Variants in FZD3 observed in about 807,000 individuals in gnomAD.
FZD3 encodes the protein frizzled-3.
Under a neutral mutation model 60.7 loss-of-function variants are expected in FZD3, and 30 were observed. That is an observed-to-expected ratio of 0.49 (90% CI 0.37 to 0.67). FZD3 has a LOEUF of 0.67. FZD3 is among the 30% of genes least tolerant of loss of function. The pLI, the probability that FZD3 is intolerant of heterozygous loss-of-function variation, is 0.00. For missense variants in FZD3, 605 were observed against 838.7 expected, an observed-to-expected ratio of 0.72 and a Z score of 3.44; for synonymous variants, 246 against 275.2, an observed-to-expected ratio of 0.89 and a Z score of 1.05.
rs35377693 is a variant in FZD3, at chr8:28,554,551, A to AT, written c.1554-1181dup. On this transcript the variant is annotated intron_variant, in intron 6 of 7. Coordinates refer to ENST00000240093, the MANE Select transcript of FZD3 (RefSeq NM_017412.4). ...CCTTGACTGTTGGTTTCGTTGTGTG[A>AT]TTTTTTGAAAGTTCTTTAATTTCTT... Among the ~76,000 whole-genome samples the AT allele has an allele frequency of 4.7e-3, 716 of 152,062 alleles. 25 individuals carry two copies. In the East Asian group the frequency reaches 0.091, roughly 19 times the overall value.
At position 28,569,751 on chromosome 8, in the gene FZD3, ATGGGAAAGTCTTCT is replaced by A. The variant is rs1321886412; in HGVS notation, c.*6742_*6755del. Reference sequence around the variant, plus strand: ...TAAATATTGGACATGGCTTTTTTAAATGGGAAAGTCTTCTTAAGCACCAATATAAGCACCTTAAA... The same window carrying A: ...TAAATATTGGACATGGCTTTTTTAAATAAGCACCAATATAAGCACCTTAAA... On this transcript the variant is annotated 3_prime_UTR_variant, in exon 8 of 8. Coordinates refer to ENST00000240093, the MANE Select transcript of FZD3 (RefSeq NM_017412.4). 6.6e-6 allele frequency: 1 copy of A among 152,172 alleles called. No homozygotes were observed. Among genetic ancestry groups the A allele is most frequent in the Non-Finnish European group, 1.5e-5 (1 of 68,022 alleles). 9.4% of individuals were successfully genotyped at this position (152,172 alleles called of 1,614,324 possible).
intron 3 of FZD3, among the ~76,000 whole-genome samples, chr8:28,519,546 A>G (rs761834575): frequency 7.2e-5 from 11 of 152,044 alleles, no homozygotes; most frequent in African/African-American, 1.9e-4. Context: ...CCTAGGCAAC[A>G]TGGCGAGACC....
At chr8:28,530,301 A>G (rs1804835029) in intron 5 of FZD3, 1 of 151,978 alleles carries the variant, frequency 6.6e-6, no homozygotes, top group Non-Finnish European at 1.5e-5. Context: ...CCTTGGATGA[A>G]CTTCACCTCC....
chr8:28,551,842 A>G, intron 6 of FZD3, 91 bp downstream of exon 6: 1 of 995,460 alleles, frequency 1.0e-6, no homozygotes, highest in Non-Finnish European at 1.5e-6. Context: ...TTGGATTTGG[A>G]GAATTATTCA....
chr8:28,532,355 G>C (rs1804899894), intron 5 of FZD3, among the ~76,000 whole-genome samples: 1 of 152,220 alleles, frequency 6.6e-6, no homozygotes, highest in Non-Finnish European at 1.5e-5. Flanking sequence ...TTGCAATACT[G>C]AGTTTTAATA....
At chr8:28,552,276 C>A (rs1335773181) in intron 6 of FZD3, among the ~76,000 whole-genome samples, 2 of 152,122 alleles carry the variant, frequency 1.3e-5, no homozygotes, top group Non-Finnish European at 2.9e-5. Flanking sequence ...TTATTCCATT[C>A]TAATATAGTA....
intron 7 of FZD3, among the ~76,000 whole-genome samples, chr8:28,557,065 C>T (rs919772145): frequency 1.4e-4 from 21 of 152,000 alleles, no homozygotes; most frequent in Middle Eastern, 3.4e-3. Context: ...ATTATATAGC[C>T]GGGTGTTGTG....
rs1237523688 is a variant in FZD3 at position 28,517,812 on chromosome 8, G to T, written c.190-2826G>T. 2.0e-5 allele frequency among the ~76,000 whole-genome samples: 3 copies of T among 151,940 alleles called. No homozygotes were observed. In the East Asian group the frequency reaches 5.8e-4, roughly 29 times the overall value. On this transcript the variant is annotated intron_variant, in intron 3 of 7. Coordinates refer to ENST00000240093, the MANE Select transcript of FZD3 (RefSeq NM_017412.4). ...TCTTTTATTGAAGATATTAGTCATT[G>T]TTATATACAGTCTTGTCTGTTAACT...
intron 3 of FZD3, among the ~76,000 whole-genome samples, chr8:28,517,856 CA>C (rs1804473019): frequency 1.3e-5 from 2 of 151,990 alleles, no homozygotes; most frequent in Admixed American, 6.6e-5. Flanking sequence ...TGGATCACCA[CA>C]TTTTTTTATT....
At chr8:28,558,385 A>G (rs780535921) in intron 7 of FZD3, among the ~76,000 whole-genome samples, 8 of 151,792 alleles carry the variant, frequency 5.3e-5, no homozygotes, top group Non-Finnish European at 1.0e-4. Context: ...ACCCAGCTTT[A>G]TTTGACGTTA....
chr8:28,555,953 A>T lies in FZD3; in HGVS notation c.1769A>T (p.His590Leu). ...GTGAGCAGCTACCACGGCAGCCTCCACAGATCACGTGATGGCAGGTGAGTT... is the reference window on the plus strand; with the variant it reads ...GTGAGCAGCTACCACGGCAGCCTCCTCAGATCACGTGATGGCAGGTGAGTT... Reference protein sequence around the residue: ...SKVSSYHGSLHRSRDGRYTPC... With the variant: ...SKVSSYHGSLLRSRDGRYTPC... The change falls in exon 7 of 8, where the codon CAC becomes CTC. Residue 590 changes from histidine (H) to leucine (L), a missense_variant. Transcript: ENST00000240093. The T allele has an allele frequency of 6.2e-7, 1 of 1,610,596 alleles. No homozygotes were observed. Among genetic ancestry groups the T allele is most frequent in the African/African-American group, 1.3e-5 (1 of 74,982 alleles).
rs1470406046 is a variant in FZD3, at chr8:28,572,626, T to C, written c.*9615T>C. 2 of 152,174 alleles carry C rather than the reference T, an allele frequency of 1.3e-5. No homozygotes were observed. The highest frequency in any genetic ancestry group is 2.9e-5 in the Non-Finnish European group (2 of 68,004). The allele number at this position is 152,174 out of a possible 1,614,324, so 9.4% of individuals were successfully genotyped here. On this transcript the variant is annotated 3_prime_UTR_variant, in exon 8 of 8. Coordinates refer to ENST00000240093, the MANE Select transcript of FZD3 (RefSeq NM_017412.4). ...CAAACCTAATATAAAAGGGTTCATC[T>C]GTAAGTATCATTTAGAGGCAAAATA...
intron 2 of FZD3, among the ~76,000 whole-genome samples, chr8:28,501,003 G>C (rs900530033): frequency 6.6e-6 from 1 of 152,034 alleles, no homozygotes; most frequent in Admixed American, 6.6e-5. Context: ...CTCGTGATCC[G>C]CCTGCCTCGG....
At chr8:28,496,446 T>G (rs1463340815) in intron 1 of FZD3, among the ~76,000 whole-genome samples, 2 of 151,858 alleles carry the variant, frequency 1.3e-5, no homozygotes, top group African/African-American at 2.4e-5. Flanking sequence ...TTCTTTTTGG[T>G]TTTTTTTGTT....
At chr8:28,540,168 T>G (rs1248054124) in intron 5 of FZD3, among the ~76,000 whole-genome samples, 2 of 152,106 alleles carry the variant, frequency 1.3e-5, no homozygotes, top group Admixed American at 1.3e-4. Context: ...TTACAGCAAG[T>G]AGATGCTGAT....
At chr8:28,535,316 G>A (rs1366008869) in intron 5 of FZD3, among the ~76,000 whole-genome samples, 1 of 152,078 alleles carries the variant, frequency 6.6e-6, no homozygotes, top group African/African-American at 2.4e-5. Context: ...GTTCCCATAT[G>A]CCTTGTACCA....
At chr8:28,543,744 A>G (rs1231452430) in intron 5 of FZD3, among the ~76,000 whole-genome samples, 1 of 152,092 alleles carries the variant, frequency 6.6e-6, no homozygotes, top group Non-Finnish European at 1.5e-5. Context: ...GTATACAGTC[A>G]TGGTTAACAT....
intron 5 of FZD3, among the ~76,000 whole-genome samples, chr8:28,532,743 A>G (rs574078567): frequency 4.8e-4 from 73 of 152,248 alleles, no homozygotes; most frequent in African/African-American, 1.4e-3. Context: ...TTTTATATCA[A>G]ACATCCTTGT....
intron 7 of FZD3, 127 bp from the exon 8 acceptor site, chr8:28,562,671 G>T (rs1805634482): frequency 4.6e-6 from 3 of 647,320 alleles, no homozygotes; most frequent in Middle Eastern, 3.5e-4. Flanking sequence ...TCAAAAGTTG[G>T]TTATTACTTT....
Sources: allele counts gnomAD v4.1 joint callset (sites outside exome capture counted in the v4.1 genomes callset), GRCh38; gene constraint gnomAD v4.1.1; transcripts MANE v1.5; gene names NCBI Gene and HGNC (gene_info 2026-07-23, HGNC 2026-07-21).